SUSD6: variants seen among roughly 807,000 people sequenced by gnomAD.
SUSD6 encodes sushi domain containing 6.
In SUSD6, 16 loss-of-function variants were observed where a neutral mutation model predicts 28.4. The observed-to-expected ratio is 0.56, with a 90% CI of 0.38 to 0.86. The LOEUF is 0.86. SUSD6 is among the 40% of genes least tolerant of loss of function. The probability of loss-of-function intolerance (pLI) is 0.00; values close to 1 mark genes in which losing one functional copy is unlikely to be tolerated. For missense variants in SUSD6, 341 were observed against 384.2 expected (o/e 0.89, Z 0.94); for synonymous variants, 147 against 159.6 (o/e 0.92, Z 0.59).
intron 2 of SUSD6, among the ~76,000 whole-genome samples, chr14:69,698,780 C>T (rs1594722149): frequency 6.6e-6 from 1 of 152,332 alleles, no homozygotes; most frequent in East Asian, 1.9e-4. Flanking sequence ...CTACTGTGTG[C>T]ACTCCCTGTG....
intron 2 of SUSD6, among the ~76,000 whole-genome samples, chr14:69,682,782 T>C (rs1886015716): frequency 6.6e-6 from 1 of 152,200 alleles, no homozygotes. Flanking sequence ...AGACTGCAAC[T>C]CTGAAAACTA....
chr14:69,685,272 A>G (rs1329520524), intron 2 of SUSD6, among the ~76,000 whole-genome samples: 2 of 152,246 alleles, frequency 1.3e-5, no homozygotes, highest in Admixed American at 6.5e-5. Context: ...GCATAGAGCC[A>G]TGAGGCACAT....
At chr14:69,650,604 G>A (rs145302604) in intron 1 of SUSD6, among the ~76,000 whole-genome samples, 42 of 152,242 alleles carry the variant, frequency 2.8e-4, no homozygotes, top group African/African-American at 9.9e-4. Context: ...AGGAACTTAC[G>A]ACAGGCTTTG....
chr14:69,634,245 G>A (rs1422040358), intron 1 of SUSD6, among the ~76,000 whole-genome samples: 1 of 152,186 alleles, frequency 6.6e-6, no homozygotes, highest in Non-Finnish European at 1.5e-5. Context: ...ATAGCTTCAG[G>A]GAATGAACTC....
chr14:69,696,856 A>G (rs1477079581), intron 2 of SUSD6, among the ~76,000 whole-genome samples: 4 of 152,238 alleles, frequency 2.6e-5, no homozygotes, highest in Non-Finnish European at 5.9e-5. Context: ...GATCTTCCAC[A>G]AGAAAGAATT....
chr14:69,689,892 C>T (rs1213872927), intron 2 of SUSD6, among the ~76,000 whole-genome samples: 2 of 152,244 alleles, frequency 1.3e-5, no homozygotes, highest in African/African-American at 4.8e-5. Flanking sequence ...TCTCGATCTC[C>T]TGGCCTCAAG....
chr14:69,669,609 G>A (rs564348389), intron 2 of SUSD6, among the ~76,000 whole-genome samples: 1 of 152,316 alleles, frequency 6.6e-6, no homozygotes, highest in South Asian at 2.1e-4. Context: ...TCAAGGCTAA[G>A]GGACAACTCC....
At chr14:69,659,097 T>C (rs1885626437) in intron 2 of SUSD6, among the ~76,000 whole-genome samples, 2 of 152,264 alleles carry the variant, frequency 1.3e-5, no homozygotes, top group South Asian at 2.1e-4. Context: ...ATTTTACTGC[T>C]GCAAGGCTCT....
At chr14:69,682,101 G>A (rs972618564) in intron 2 of SUSD6, among the ~76,000 whole-genome samples, 1 of 152,238 alleles carries the variant, frequency 6.6e-6, no homozygotes, top group Non-Finnish European at 1.5e-5. Flanking sequence ...GGAGGCCAAG[G>A]TGGGAAGACC....
intron 1 of SUSD6, among the ~76,000 whole-genome samples, chr14:69,636,736 T>C (rs1885271572): frequency 6.6e-6 from 1 of 152,254 alleles, no homozygotes; most frequent in African/African-American, 2.4e-5. Flanking sequence ...GGCAGAGGCC[T>C]GGACGAGAGC....
At chr14:69,710,615 A>G (rs1231792776) in intron 5 of SUSD6, among the ~76,000 whole-genome samples, 1 of 152,208 alleles carries the variant, frequency 6.6e-6, no homozygotes, top group Non-Finnish European at 1.5e-5. Context: ...AGATGGCTTT[A>G]GGAGGCAGTG....
At position 69,677,559 on chromosome 14, in the gene SUSD6, A is replaced by G. The variant is rs545759823; in HGVS notation, c.121+18846A>G. ...GAGACTCCGTCTCAAAAAAAAAAAA[A>G]AAAAGAAAAGTGTTTTTACAGACCT... is the stretch of plus-strand genomic sequence containing the variant. On this transcript the variant is annotated intron_variant, in intron 2 of 5. Coordinates refer to ENST00000342745, the MANE Select transcript of SUSD6 (RefSeq NM_014734.4). Among the ~76,000 whole-genome samples the G allele has an allele frequency of 4.3e-3, 660 of 152,030 alleles. 4 individuals carry two copies. The highest frequency in any genetic ancestry group is 7.5e-3 in the Non-Finnish European group (511 of 67,962).
chr14:69,703,067 T>C (rs1378123925), intron 2 of SUSD6, among the ~76,000 whole-genome samples: 2 of 152,216 alleles, frequency 1.3e-5, no homozygotes, highest in Admixed American at 1.3e-4. Context: ...CTTTATTACA[T>C]AATACAGGCT....
chr14:69,701,956 G>A (rs187812442), intron 2 of SUSD6, among the ~76,000 whole-genome samples: 11 of 152,268 alleles, frequency 7.2e-5, no homozygotes, highest in African/African-American at 2.4e-4. Context: ...CTGGCAGTCA[G>A]CTTGCTTAAC....
intron 1 of SUSD6, among the ~76,000 whole-genome samples, chr14:69,651,277 G>A (rs1299392177): frequency 6.6e-6 from 1 of 152,184 alleles, no homozygotes; most frequent in Non-Finnish European, 1.5e-5. Context: ...GTGGTAGTGT[G>A]TCTGCTGGCT....
intron 1 of SUSD6, among the ~76,000 whole-genome samples, chr14:69,657,063 A>G (rs1027522848): frequency 1.3e-5 from 2 of 152,216 alleles, no homozygotes; most frequent in African/African-American, 2.4e-5. Flanking sequence ...ATTCTCACAG[A>G]GAGTCTTGCT....
intron 1 of SUSD6, among the ~76,000 whole-genome samples, chr14:69,641,210 T>G (rs1885347088): frequency 6.6e-6 from 1 of 152,250 alleles, no homozygotes; most frequent in Non-Finnish European, 1.5e-5. Flanking sequence ...TTTTTAACAT[T>G]TCGATTATGA....
chr14:69,694,503 A>G (rs1467731389), intron 2 of SUSD6, among the ~76,000 whole-genome samples: 2 of 152,228 alleles, frequency 1.3e-5, no homozygotes, highest in Non-Finnish European at 2.9e-5. Flanking sequence ...CTCTCTGGCC[A>G]TGCCTGGGAA....
chr14:69,634,837 A>G (rs1239831084), intron 1 of SUSD6, among the ~76,000 whole-genome samples: 2 of 152,218 alleles, frequency 1.3e-5, no homozygotes, highest in Non-Finnish European at 2.9e-5. Context: ...GGATATAACA[A>G]GCTAGAGGGT....
Sources: allele counts gnomAD v4.1 joint callset (sites outside exome capture counted in the v4.1 genomes callset), GRCh38; gene constraint gnomAD v4.1.1; transcripts MANE v1.5; gene names NCBI Gene and HGNC (gene_info 2026-07-23, HGNC 2026-07-21).